The following MYO10 variants were observed in gnomAD, a reference collection of about 807,000 sequenced individuals.
MYO10 encodes myosin X.
A neutral mutation model predicts 257.3 loss-of-function variants in MYO10; 133 were observed. The observed-to-expected ratio is 0.52, with a 90% CI of 0.45 to 0.60. The LOEUF (loss-of-function observed/expected upper bound fraction) is 0.60. Ranked by LOEUF, MYO10 falls within the 20% of genes least tolerant of loss-of-function variation. MYO10 has a pLI of 0.00. For synonymous variants in MYO10, 1,104 were observed against 1,028.6 expected (o/e 1.07, Z -1.40); for missense variants, 2,399 against 2,635.7 (o/e 0.91, Z 1.97).
At chr5:16,676,221 G>T in intron 33 of MYO10, 67 bp from the exon 34 acceptor site, 1 of 1,575,696 alleles carries the variant, frequency 6.3e-7, no homozygotes, top group African/African-American at 1.4e-5. Flanking sequence ...TATTTTTCAA[G>T]ACTCTCAAAT....
At chr5:16,699,939 G>C (rs1394530443) in intron 25 of MYO10, among the ~76,000 whole-genome samples, 1 of 152,060 alleles carries the variant, frequency 6.6e-6, no homozygotes. Context: ...TGAAAGACAA[G>C]ATATACTTGA....
chr5:16,709,411 G>C (rs1390156415), intron 21 of MYO10, among the ~76,000 whole-genome samples: 1 of 152,154 alleles, frequency 6.6e-6, no homozygotes, highest in Non-Finnish European at 1.5e-5. Flanking sequence ...AAGGTGACGG[G>C]ATATCACTTC....
Position 16,801,397 on chromosome 5 carries a change from G to A in MYO10, c.280-6564C>T, listed in dbSNP as rs540488172. Among the ~76,000 whole-genome samples, 7 of 151,966 alleles carry A rather than the reference G, an allele frequency of 4.6e-5. No homozygotes were observed. In the South Asian group the frequency reaches 1.2e-3, roughly 27 times the overall value. On this transcript the variant is annotated intron_variant, in intron 3 of 40. Coordinates refer to ENST00000513610, the MANE Select transcript of MYO10 (RefSeq NM_012334.3). ...TAATTTTTGTATTTTTAGTAGAGACGAATGGGGTTTCACCACATTAGCCAG... is the reference window on the plus strand; with the variant it reads ...TAATTTTTGTATTTTTAGTAGAGACAAATGGGGTTTCACCACATTAGCCAG...
chr5:16,911,803 C>T (rs185192935), intron 1 of MYO10, among the ~76,000 whole-genome samples: 192 of 151,894 alleles, frequency 1.3e-3, no homozygotes, highest in African/African-American at 4.4e-3. Flanking sequence ...TTTAGGAGGC[C>T]GAGGTGGGTG....
rs931386721 is a variant in MYO10, at chr5:16,699,316, C to T, written c.3556+134G>A. On this transcript the variant is annotated intron_variant, in intron 26 of 40. Transcript: ENST00000513610. ...AACACTGAGGTAAGGGTAGGTAGAA[C>T]GACTTTCCCAGTCCCCATCCATCAG... 9.1e-6 allele frequency: 11 copies of T among 1,208,622 alleles called. No individual in the cohort carries two copies. The Admixed American group carries it at 1.1e-4, about 12-fold the overall frequency. The allele number at this position is 1,208,622 out of a possible 1,614,324, so 74.9% of individuals were successfully genotyped here.
chr5:16,742,531 A>G (rs922010601), intron 19 of MYO10, among the ~76,000 whole-genome samples: 2 of 152,078 alleles, frequency 1.3e-5, no homozygotes, highest in African/African-American at 4.8e-5. Flanking sequence ...GCAATCAAAA[A>G]CCAGAAGGGC....
intron 2 of MYO10, among the ~76,000 whole-genome samples, chr5:16,854,737 A>C (rs1743910447): frequency 6.6e-6 from 1 of 152,220 alleles, no homozygotes; most frequent in Non-Finnish European, 1.5e-5. Flanking sequence ...AAACAAAACA[A>C]AACAAAACTA....
In MYO10 at chr5:16,870,449, G is replaced by A. The variant is rs922417568; in HGVS notation, c.120+7160C>T. Among the ~76,000 whole-genome samples, 6 of 151,518 alleles carry A rather than the reference G, an allele frequency of 4.0e-5. No individual in the cohort carries two copies. The East Asian group carries it at 1.2e-3, about 29-fold the overall frequency. ...AAGGAGCTTGTGAAAAATTCAGCCCGCTCTCCAGCCCCACCCCAACCTGCC... is the reference window on the plus strand; with the variant it reads ...AAGGAGCTTGTGAAAAATTCAGCCCACTCTCCAGCCCCACCCCAACCTGCC... On this transcript the variant is annotated intron_variant, in intron 2 of 40. Coordinates refer to ENST00000513610, the MANE Select transcript of MYO10 (RefSeq NM_012334.3).
Position 16,683,953 on chromosome 5 carries a change from GTA to G in MYO10, c.3991-20_3991-19del. The G allele has an allele frequency of 6.2e-7, 1 of 1,611,616 alleles. No homozygotes were observed. Among genetic ancestry groups the G allele is most frequent in the Non-Finnish European group, 8.5e-7 (1 of 1,178,788 alleles). Reference sequence around the variant, plus strand: ...AAGGTGCCCTGGAAAAGAACAAAAAGTAAACAGAATGAGAGAAGCACTAAAGT... The same window carrying G: ...AAGGTGCCCTGGAAAAGAACAAAAAGAACAGAATGAGAGAAGCACTAAAGT... On this transcript the variant is annotated intron_variant, in intron 29 of 40. Transcript: ENST00000513610.
At position 16,682,018 on chromosome 5, in the gene MYO10, G is replaced by A; in HGVS notation, c.4047-5C>T. 1 of 1,612,356 alleles carries A rather than the reference G, an allele frequency of 6.2e-7. No homozygotes were observed. The highest frequency in any genetic ancestry group is 8.5e-7 in the Non-Finnish European group (1 of 1,179,712). On this transcript the variant is annotated splice_polypyrimidine_tract_variant and splice_region_variant and intron_variant, in intron 30 of 40. Coordinates refer to ENST00000513610, the MANE Select transcript of MYO10 (RefSeq NM_012334.3). ...ATGATCACAAACGAGTTGGGTCTGAGCCACAAGATGAGAAGGAAACAAAGC... is the reference window on the plus strand; with the variant it reads ...ATGATCACAAACGAGTTGGGTCTGAACCACAAGATGAGAAGGAAACAAAGC...
chr5:16,782,976 C>A lies in MYO10; in HGVS notation c.602+359G>T, dbSNP rs571807607. 3.3e-5 allele frequency among the ~76,000 whole-genome samples: 5 copies of A among 152,274 alleles called. No individual in the cohort carries two copies. In the South Asian group the frequency reaches 1.0e-3, roughly 32 times the overall value. On this transcript the variant is annotated intron_variant, in intron 5 of 40. Coordinates refer to ENST00000513610, the MANE Select transcript of MYO10 (RefSeq NM_012334.3). ...GCTGACATTTCTGCTGCTAACAAGGCCTCCAGAAAACTAGTCAAGTTTATT... is the reference window on the plus strand; with the variant it reads ...GCTGACATTTCTGCTGCTAACAAGGACTCCAGAAAACTAGTCAAGTTTATT...
chr5:16,771,104 C>A (rs559937540), intron 9 of MYO10, among the ~76,000 whole-genome samples: 1 of 152,100 alleles, frequency 6.6e-6, no homozygotes, highest in African/African-American at 2.4e-5. Context: ...GCAATAATGG[C>A]AGGAAAGAAA....
chr5:16,763,463 T>C lies in MYO10; in HGVS notation c.1494+18A>G, dbSNP rs1290339516. The C allele has an allele frequency of 6.3e-7, 1 of 1,597,192 alleles. No homozygotes were observed. Among genetic ancestry groups the C allele is most frequent in the South Asian group, 1.1e-5 (1 of 90,672 alleles). The stretch of plus-strand genomic sequence containing the variant: ...TGGACCCCCTTGGGACTGTAACCAT[T>C]CTTCAAAAATACATTACCTTCTCAA... On this transcript the variant is annotated intron_variant, in intron 14 of 40. Transcript: ENST00000513610.
chr5:16,904,822 G>T (rs541884888), intron 1 of MYO10, among the ~76,000 whole-genome samples: 139 of 152,166 alleles, frequency 9.1e-4, no homozygotes, highest in African/African-American at 3.3e-3. Context: ...CCAGCTACTC[G>T]GGAGCCTGAG....
In MYO10 at chr5:16,838,455, A is replaced by G. The variant is rs77611866; in HGVS notation, c.121-20288T>C. ...CAAGGCCCTCATTCTCTTCAATTCT[A>G]TCAAGGCTGAGAGGTCAGTAAGCTG... On this transcript the variant is annotated intron_variant, in intron 2 of 40. Coordinates refer to ENST00000513610, the MANE Select transcript of MYO10 (RefSeq NM_012334.3). 3.8e-3 allele frequency among the ~76,000 whole-genome samples: 575 copies of G among 152,314 alleles called. 7 individuals carry two copies. Among genetic ancestry groups the G allele is most frequent in the African/African-American group, 0.013 (554 of 41,576 alleles).
intron 4 of MYO10, among the ~76,000 whole-genome samples, chr5:16,792,056 G>A (rs1273630256): frequency 2.0e-5 from 3 of 151,400 alleles, no homozygotes; most frequent in Admixed American, 2.0e-4. Flanking sequence ...TTTAGGTAAC[G>A]AGAAGACAGT....
chr5:16,787,718 T>C (rs10475088), intron 4 of MYO10, among the ~76,000 whole-genome samples: 40,885 of 151,766 alleles, frequency 0.27, 5,667 homozygotes, highest in African/African-American at 0.3. Context: ...ATTGTGAGAA[T>C]TTTTTGTAAG....
At chr5:16,801,414 A>T (rs183428998) in intron 3 of MYO10, among the ~76,000 whole-genome samples, 1 of 151,958 alleles carries the variant, frequency 6.6e-6, no homozygotes, top group African/African-American at 2.4e-5. Flanking sequence ...GTTTCACCAC[A>T]TTAGCCAGGC....
intron 9 of MYO10, among the ~76,000 whole-genome samples, chr5:16,771,657 G>A (rs954391247): frequency 1.1e-4 from 17 of 150,740 alleles, no homozygotes; most frequent in African/African-American, 3.4e-4. Context: ...AAGGCTCACT[G>A]CAGCCTCGAC....
Sources: gnomAD v4.1 joint callset for allele counts (sites outside exome capture counted in the v4.1 genomes callset) on GRCh38, gnomAD v4.1.1 for gene constraint, MANE v1.5 for transcripts, NCBI Gene and HGNC (gene_info 2026-07-23, HGNC 2026-07-21) for gene names.